GRID2: variants seen among roughly 807,000 people sequenced by gnomAD.
The protein encoded by GRID2 is glutamate ionotropic receptor delta type subunit 2.
A neutral mutation model predicts 114.8 loss-of-function variants in GRID2; 33 were observed. The ratio of observed to expected loss-of-function variants is 0.29; its 90% confidence interval spans 0.22 to 0.38. The LOEUF is 0.38. GRID2 is among the 10% of genes least tolerant of loss of function. The pLI is 1.00. For missense variants in GRID2, 1,184 were observed against 1,257.7 expected (o/e 0.94, Z 0.89); for synonymous variants, 505 against 449.9 (o/e 1.12, Z -1.55).
chr4:92,964,628 C>CT (rs1178976745), intron 2 of GRID2, among the ~76,000 whole-genome samples: 1 of 152,022 alleles, frequency 6.6e-6, no homozygotes, highest in African/African-American at 2.4e-5. Flanking sequence ...CTTGTTGTAG[C>CT]TTCTACATCA....
Position 92,801,301 on chromosome 4 carries a change from T to C in GRID2, c.244+211015T>C, listed in dbSNP as rs1280849017. On this transcript the variant is annotated intron_variant, in intron 2 of 15. Transcript: ENST00000282020. ...TGTGTCTTGTCTTAAAAGTTTAACA[T>C]ATGTTCACAATATTATGCTAAGTTT... Among the ~76,000 whole-genome samples the C allele has an allele frequency of 2.0e-5, 3 of 151,988 alleles. No individual in the cohort carries two copies. In the East Asian group the frequency reaches 5.8e-4, roughly 30 times the overall value.
At chr4:92,792,502 C>T (rs1468187712) in intron 2 of GRID2, among the ~76,000 whole-genome samples, 2 of 146,152 alleles carry the variant, frequency 1.4e-5, no homozygotes, top group Non-Finnish European at 3.0e-5. Context: ...CACACACACA[C>T]ACTGTCACTC....
chr4:93,387,443 C>T (rs546267568), intron 8 of GRID2, among the ~76,000 whole-genome samples: 1 of 152,058 alleles, frequency 6.6e-6, no homozygotes, highest in East Asian at 1.9e-4. Context: ...GGAAATTCAC[C>T]ATCTAAATTT....
Position 93,490,741 on chromosome 4 carries a change from C to T in GRID2, c.1961C>T (p.Ala654Val). The T allele has an allele frequency of 1.2e-6, 2 of 1,610,632 alleles. No individual in the cohort carries two copies. The highest frequency in any genetic ancestry group is 1.7e-6 in the Non-Finnish European group (2 of 1,177,478). The change falls in exon 12 of 16, where the codon GCT (alanine) becomes GTT (valine). Residue 654 changes from alanine to valine, a missense_variant. By Grantham distance (64) the Ala-to-Val change is moderately conservative (BLOSUM62 0). This residue lies in a region of GRID2 where 717 missense variants were observed against 796.9 expected (regional missense o/e 0.90). Coordinates refer to ENST00000282020, the MANE Select transcript of GRID2 (RefSeq NM_001510.4). ...TCATCTTACACGGCAAACCTCGCTG[C>T]TTTCCTCACTATTACACGCATTGAA... ...VISSYTANLA[A>V]FLTITRIESS...
At chr4:92,749,145 C>T (rs1737307463) in intron 2 of GRID2, among the ~76,000 whole-genome samples, 1 of 151,514 alleles carries the variant, frequency 6.6e-6, no homozygotes, top group Admixed American at 6.6e-5. Flanking sequence ...AGGCGCGCAC[C>T]ACCATGCACC....
At position 92,461,070 on chromosome 4, in the gene GRID2, A is replaced by G. The variant is rs555249612; in HGVS notation, c.89-129061A>G. 7.3e-5 allele frequency among the ~76,000 whole-genome samples: 11 copies of G among 151,576 alleles called. No individual in the cohort carries two copies. In the South Asian group the frequency reaches 2.3e-3, roughly 31 times the overall value. On this transcript the variant is annotated intron_variant, in intron 1 of 15. Transcript: ENST00000282020. ...TTTTAATTTTTAAAGTTTTATATAAATAGTATATAAATCATATATTTATAT... is the reference window on the plus strand; with the variant it reads ...TTTTAATTTTTAAAGTTTTATATAAGTAGTATATAAATCATATATTTATAT...
At chr4:93,022,082 T>C (rs1372499002) in intron 2 of GRID2, among the ~76,000 whole-genome samples, 1 of 151,618 alleles carries the variant, frequency 6.6e-6, no homozygotes. Flanking sequence ...CAAACTCTTA[T>C]TCTTGAATCT....
chr4:92,835,844 A>C (rs1452955450), intron 2 of GRID2, among the ~76,000 whole-genome samples: 1 of 152,116 alleles, frequency 6.6e-6, no homozygotes, highest in Non-Finnish European at 1.5e-5. Context: ...CACTTTGTCC[A>C]TATAACAGGA....
intron 8 of GRID2, among the ~76,000 whole-genome samples, chr4:93,381,015 G>A (rs1054120833): frequency 2.0e-5 from 3 of 151,816 alleles, no homozygotes; most frequent in East Asian, 1.9e-4. Context: ...TCTCCACATA[G>A]CCTCTAATTA....
intron 2 of GRID2, among the ~76,000 whole-genome samples, chr4:92,906,338 C>G (rs1747949337): frequency 6.7e-6 from 1 of 148,520 alleles, no homozygotes; most frequent in Admixed American, 6.8e-5. Flanking sequence ...TGTATGTGCT[C>G]TAGGCAGAGC....
intron 14 of GRID2, among the ~76,000 whole-genome samples, chr4:93,643,797 C>A (rs1308775361): frequency 1.9e-5 from 1 of 53,434 alleles, no homozygotes; most frequent in African/African-American, 1.5e-4. Context: ...AGAGGTGGAG[C>A]CTACAGAGGC....
At chr4:92,788,064 T>C (rs1269654086) in intron 2 of GRID2, among the ~76,000 whole-genome samples, 2 of 151,738 alleles carry the variant, frequency 1.3e-5, no homozygotes, top group South Asian at 4.1e-4. Flanking sequence ...CCTAATATAA[T>C]TGTGGATATA....
At chr4:93,059,712 A>G (rs1224761257) in intron 2 of GRID2, among the ~76,000 whole-genome samples, 2 of 152,134 alleles carry the variant, frequency 1.3e-5, no homozygotes, top group African/African-American at 2.4e-5. Flanking sequence ...CTAATTAAAC[A>G]TATGTTCTAT....
At position 93,238,686 on chromosome 4, in the gene GRID2, C is replaced by T. The variant is rs374662871; in HGVS notation, c.1245+196C>T. 2.7e-4 allele frequency among the ~76,000 whole-genome samples: 41 copies of T among 151,516 alleles called. No homozygotes were observed. The East Asian group carries it at 3.5e-3, about 13-fold the overall frequency. ...AGTATTAAGCAAGAAATTCTATTTCCGACTTAGAATAATGTAAAGGAAAAA... is the reference window on the plus strand; with the variant it reads ...AGTATTAAGCAAGAAATTCTATTTCTGACTTAGAATAATGTAAAGGAAAAA... On this transcript the variant is annotated intron_variant, in intron 8 of 15. Transcript: ENST00000282020.
chr4:92,847,813 T>A (rs1196526069), intron 2 of GRID2, among the ~76,000 whole-genome samples: 1 of 152,040 alleles, frequency 6.6e-6, no homozygotes, highest in African/African-American at 2.4e-5. Context: ...CAAATCGTGT[T>A]CCATTTACTT....
chr4:92,673,782 T>C (rs1057466503), intron 2 of GRID2, among the ~76,000 whole-genome samples: 5 of 152,010 alleles, frequency 3.3e-5, no homozygotes, highest in African/African-American at 1.2e-4. Flanking sequence ...ATGAGAACAC[T>C]TGGACACAGG....
At chr4:92,975,358 C>T (rs1177474573) in intron 2 of GRID2, among the ~76,000 whole-genome samples, 2 of 151,958 alleles carry the variant, frequency 1.3e-5, no homozygotes, top group East Asian at 3.9e-4. Flanking sequence ...ATCTTCAATT[C>T]CTTAAGATAC....
At chr4:92,483,096 T>A (rs1722696673) in intron 1 of GRID2, among the ~76,000 whole-genome samples, 1 of 152,064 alleles carries the variant, frequency 6.6e-6, no homozygotes, top group Non-Finnish European at 1.5e-5. Flanking sequence ...TCTCAGCAGT[T>A]TGGGAGGCTG....
intron 1 of GRID2, among the ~76,000 whole-genome samples, chr4:92,384,577 A>T (rs71599238): frequency 0.058 from 2,868 of 49,350 alleles, 220 homozygotes; most frequent in African/African-American, 0.21. Flanking sequence ...TAATATATAA[A>T]ATATATTATA....
Sources: gnomAD v4.1 joint callset for allele counts (sites outside exome capture counted in the v4.1 genomes callset) on GRCh38, gnomAD v4.1.1 for gene constraint, gnomAD v4.1.1 regional missense constraint, MANE v1.5 for transcripts, NCBI Gene and HGNC (gene_info 2026-07-23, HGNC 2026-07-21) for gene names.